Variants in NFIA observed in about 807,000 individuals in gnomAD.
NFIA encodes nuclear factor 1 A-type.
In NFIA, 8 loss-of-function variants were observed where a neutral mutation model predicts 62.8. The observed-to-expected ratio is 0.13, with a 90% CI of 0.07 to 0.23. The LOEUF (loss-of-function observed/expected upper bound fraction) is 0.23, where lower values mean the gene tolerates loss of function less well. Ranked by LOEUF, NFIA falls within the 10% of genes least tolerant of loss-of-function variation. The pLI, the probability that NFIA is intolerant of heterozygous loss-of-function variation, is 1.00. For synonymous variants in NFIA, 235 were observed against 238.1 expected (o/e 0.99, Z 0.12); for missense variants, 410 against 642.1 (o/e 0.64, Z 3.91).
intron 2 of NFIA, among the ~76,000 whole-genome samples, chr1:61,235,881 G>T (rs1654983818): frequency 6.6e-6 from 1 of 151,926 alleles, no homozygotes; most frequent in Admixed American, 6.6e-5. Context: ...TAAGAAAAAA[G>T]ACTGAGTTGG....
At chr1:61,393,907 G>A (rs1282807042) in intron 7 of NFIA, among the ~76,000 whole-genome samples, 2 of 152,240 alleles carry the variant, frequency 1.3e-5, no homozygotes, top group African/African-American at 4.8e-5. Flanking sequence ...AGACCCCCAG[G>A]GTCACTTGAA....
At chr1:61,114,202 A>G (rs1235709482) in intron 2 of NFIA, among the ~76,000 whole-genome samples, 1 of 152,362 alleles carries the variant, frequency 6.6e-6, no homozygotes, top group South Asian at 2.1e-4. Flanking sequence ...ATTATACGAT[A>G]AAACACATGT....
chr1:61,216,106 G>C (rs1450744657), intron 2 of NFIA, among the ~76,000 whole-genome samples: 3 of 152,202 alleles, frequency 2.0e-5, no homozygotes, highest in Non-Finnish European at 4.4e-5. Flanking sequence ...TAGTGACATA[G>C]TTCCAGTTCA....
At chr1:61,406,472 T>C (rs1460182575) in intron 8 of NFIA, 90 bp from the exon 9 acceptor site, 2 of 1,079,546 alleles carry the variant, frequency 1.9e-6, no homozygotes, top group Non-Finnish European at 2.7e-6. Context: ...AGGTGCCTGA[T>C]GAATATTTTG....
At chr1:61,289,592 A>C (rs989348714) in intron 3 of NFIA, among the ~76,000 whole-genome samples, 3 of 152,234 alleles carry the variant, frequency 2.0e-5, no homozygotes, top group Non-Finnish European at 4.4e-5. Flanking sequence ...TATAAATTTG[A>C]ACAAGTTATT....
chr1:61,351,374 C>T (rs1224214325), intron 4 of NFIA, among the ~76,000 whole-genome samples: 2 of 152,172 alleles, frequency 1.3e-5, no homozygotes, highest in Non-Finnish European at 1.5e-5. Flanking sequence ...TACAAATGTC[C>T]CTGGTTCATG....
chr1:61,186,495 TTCAG>T (rs1651190252), intron 2 of NFIA, among the ~76,000 whole-genome samples: 1 of 152,152 alleles, frequency 6.6e-6, no homozygotes, highest in African/African-American at 2.4e-5. Flanking sequence ...CATTAAATCG[TTCAG>T]TCAGTGGAAG....
chr1:61,441,887 AC>A (rs2100575656), intron 10 of NFIA, among the ~76,000 whole-genome samples: 1 of 147,698 alleles, frequency 6.8e-6, no homozygotes, highest in African/African-American at 2.5e-5. Context: ...CCTTCACACC[AC>A]CCCCCTGTTA....
At chr1:61,432,580 AAT>A (rs1271186999) in intron 10 of NFIA, among the ~76,000 whole-genome samples, 9 of 125,284 alleles carry the variant, frequency 7.2e-5, no homozygotes, top group Non-Finnish European at 1.3e-4. Flanking sequence ...TAGAGGGAAA[AAT>A]ATATATGTGT....
intron 2 of NFIA, among the ~76,000 whole-genome samples, chr1:61,259,459 T>C (rs1323104437): frequency 6.6e-6 from 1 of 152,212 alleles, no homozygotes; most frequent in African/African-American, 2.4e-5. Context: ...CTCAAGGGCT[T>C]ATAACTTGTT....
At chr1:61,234,462 G>A (rs796589586) in intron 2 of NFIA, among the ~76,000 whole-genome samples, 6 of 151,832 alleles carry the variant, frequency 4.0e-5, no homozygotes, top group South Asian at 2.1e-4. Flanking sequence ...CGTTATGCGG[G>A]TATACGTCTG....
Position 61,406,718 on chromosome 1 carries a change from A to C in NFIA, c.1411A>C (p.Thr471Pro). Residue 471 changes from threonine (T) to proline (P), a missense_variant, in exon 9 of 11, where the codon ACG (threonine) becomes CCG (proline). Physicochemically the swap from Thr to Pro is conservative, Grantham distance 38 (BLOSUM62 -1). Around this residue, in one of 3 missense-constraint regions of NFIA, gnomAD observed 298 missense variants for 438.1 expected, o/e 0.68. Coordinates refer to ENST00000403491, the MANE Select transcript of NFIA (RefSeq NM_001134673.4). ...TSTEGGAASP[T>P]SPTYSTPSTS... ...AACAGAAGGAGGTGCAGCCTCCCCC[A>C]CGTCACCAAGTAAGTATGGCTGCGA... The C allele has an allele frequency of 6.2e-7, 1 of 1,608,352 alleles. No homozygotes were observed. The highest frequency in any genetic ancestry group is 8.5e-7 in the Non-Finnish European group (1 of 1,177,382).
chr1:61,118,029 C>CA (rs1262716705), intron 2 of NFIA, among the ~76,000 whole-genome samples: 1 of 151,584 alleles, frequency 6.6e-6, no homozygotes, highest in Non-Finnish European at 1.5e-5. Flanking sequence ...ACTAAAAATA[C>CA]AAAAAATGAG....
At chr1:61,141,611 G>GA (rs1232331219) in intron 2 of NFIA, among the ~76,000 whole-genome samples, 2 of 152,160 alleles carry the variant, frequency 1.3e-5, no homozygotes, top group Admixed American at 6.5e-5. Flanking sequence ...ACAGCAGAGG[G>GA]AAAAATTTTA....
intron 2 of NFIA, among the ~76,000 whole-genome samples, chr1:61,149,728 C>T (rs755328817): frequency 3.3e-5 from 5 of 152,114 alleles, no homozygotes; most frequent in Non-Finnish European, 7.4e-5. Flanking sequence ...GTTCCCCTGT[C>T]TCTGTTTTTT....
chr1:61,285,684 A>G (rs1658442867), intron 3 of NFIA, among the ~76,000 whole-genome samples: 1 of 152,128 alleles, frequency 6.6e-6, no homozygotes, highest in South Asian at 2.1e-4. Flanking sequence ...GGTAGGGGGC[A>G]CTATTTGCTG....
At chr1:61,383,147 G>T in intron 6 of NFIA, 90 bp from the exon 7 acceptor site, 4 of 1,489,446 alleles carry the variant, frequency 2.7e-6, no homozygotes, top group Admixed American at 2.0e-5. Flanking sequence ...CTTTTTGTTT[G>T]TTTTTAATTC....
At chr1:61,093,894 C>A (rs1444323007) in intron 2 of NFIA, among the ~76,000 whole-genome samples, 3 of 152,118 alleles carry the variant, frequency 2.0e-5, no homozygotes, top group African/African-American at 7.2e-5. Flanking sequence ...TGGGAGAAAC[C>A]ACAGCCTTTG....
rs1668469722 is a variant in NFIA at position 61,460,029 on chromosome 1, C to T, written c.*4709C>T. On this transcript the variant is annotated 3_prime_UTR_variant, in exon 11 of 11. Transcript: ENST00000403491. ...ATAGAACAAATCTAAAACACAACCACCATAGTAATGTAAGGAGAGCTTCAG... is the reference window on the plus strand; with the variant it reads ...ATAGAACAAATCTAAAACACAACCATCATAGTAATGTAAGGAGAGCTTCAG... 1 of 152,036 alleles carries T rather than the reference C, an allele frequency of 6.6e-6. No homozygotes were observed. The highest frequency in any genetic ancestry group is 6.5e-5 in the Admixed American group (1 of 15,270). The allele number at this position is 152,036 out of a possible 1,614,324, so 9.4% of individuals were successfully genotyped here.
Sources: allele counts gnomAD v4.1 joint callset (sites outside exome capture counted in the v4.1 genomes callset), GRCh38; gene constraint gnomAD v4.1.1; regional missense constraint gnomAD v4.1.1; transcripts MANE v1.5; gene names NCBI Gene and HGNC (gene_info 2026-07-23, HGNC 2026-07-21).